The following RELL1 variants were observed in gnomAD, a reference collection of about 807,000 sequenced individuals.
The protein encoded by RELL1 is RELT like 1.
In RELL1, 10 loss-of-function variants were observed where a neutral mutation model predicts 23.0. The observed-to-expected ratio is 0.43, with a 90% CI of 0.27 to 0.74. The LOEUF is 0.74. RELL1 is among the 30% of genes least tolerant of loss of function. The pLI, the probability that RELL1 is intolerant of heterozygous loss-of-function variation, is 0.19. For missense variants in RELL1, 315 were observed against 364.4 expected (o/e 0.86, Z 1.10); for synonymous variants, 146 against 146.8 (o/e 0.99, Z 0.04).
At position 37,681,523 on chromosome 4, in the gene RELL1, T is replaced by G. The variant is rs916386584; in HGVS notation, c.88+4677A>C. On this transcript the variant is annotated intron_variant, in intron 1 of 6. Transcript: ENST00000454158. ...AGGCATCAGGGTCTCCTTCTGTTTT[T>G]TTTTTTTTTTTTTTTTTTTTTTTGA... Among the ~76,000 whole-genome samples the G allele has an allele frequency of 0.015, 1,906 of 128,486 alleles. 93 individuals carry two copies. The South Asian group carries it at 0.15, about 10-fold the overall frequency. The allele number at this position is 128,486 out of a possible 152,430, so 84.3% of individuals were successfully genotyped here. A position where few individuals can be genotyped will look rare whatever the true frequency, so the allele number is the denominator to read the frequency against.
intron 1 of RELL1, among the ~76,000 whole-genome samples, chr4:37,669,254 G>A (rs1226625344): frequency 2.9e-5 from 4 of 135,614 alleles, no homozygotes; most frequent in Non-Finnish European, 6.2e-5. Context: ...CCCCCCGCCC[G>A]GCCAGCCGCC....
intron 1 of RELL1, among the ~76,000 whole-genome samples, chr4:37,676,665 G>A (rs1321982126): frequency 6.6e-6 from 1 of 152,078 alleles, no homozygotes; most frequent in Non-Finnish European, 1.5e-5. Flanking sequence ...GGAGCAATTT[G>A]GCCCACAGAG....
chr4:37,602,132 G>T (rs1719031340), intron 6 of RELL1, among the ~76,000 whole-genome samples: 1 of 149,692 alleles, frequency 6.7e-6, no homozygotes, highest in Non-Finnish European at 1.5e-5. Context: ...TGGGAGGATT[G>T]CTTGAGCCTG....
intron 5 of RELL1, among the ~76,000 whole-genome samples, chr4:37,633,033 C>T (rs1720193907): frequency 6.6e-6 from 1 of 152,152 alleles, no homozygotes; most frequent in Admixed American, 6.5e-5. Flanking sequence ...TTAAGTAATA[C>T]ATGCTGAAAA....
chr4:37,620,626 G>A (rs903301823), intron 6 of RELL1, among the ~76,000 whole-genome samples: 6 of 152,274 alleles, frequency 3.9e-5, no homozygotes, highest in Middle Eastern at 3.4e-3. Flanking sequence ...TTCTAATAAG[G>A]AAAATGGAAC....
intron 2 of RELL1, 133 bp downstream of exon 2, chr4:37,649,143 C>A (rs1720804150): frequency 1.3e-6 from 1 of 759,078 alleles, no homozygotes; most frequent in Non-Finnish European, 2.2e-6. Flanking sequence ...GCACAATCTG[C>A]ACTTACACTA....
In RELL1 at chr4:37,612,342, A is replaced by AAAAAAAAAAAAC; in HGVS notation, c.*1003_*1004insGTTTTTTTTTTT. On this transcript the variant is annotated 3_prime_UTR_variant, in exon 7 of 7. Transcript: ENST00000454158. ...AAGGTTAAAAAAAAAAAAAAAACAA[A>AAAAAAAAAAAAC]AAAAAACAAAAAACCGGGTGCAGTG... 7.6e-6 allele frequency among the ~76,000 whole-genome samples: 1 copy of AAAAAAAAAAAAC among 131,860 alleles called. No homozygotes were observed. The highest frequency in any genetic ancestry group is 2.9e-5 in the African/African-American group (1 of 34,768). The allele number at this position is 131,860 out of a possible 152,430, so 86.5% of individuals were successfully genotyped here. A position where few individuals can be genotyped will look rare whatever the true frequency, so the allele number is the denominator to read the frequency against.
chr4:37,670,717 C>T (rs1428087883), intron 1 of RELL1, among the ~76,000 whole-genome samples: 1 of 151,432 alleles, frequency 6.6e-6, no homozygotes, highest in Non-Finnish European at 1.5e-5. Context: ...ACTACAGGCA[C>T]GTGCCACCAT....
intron 6 of RELL1, among the ~76,000 whole-genome samples, chr4:37,621,187 T>C (rs1719748855): frequency 2.6e-5 from 4 of 152,228 alleles, no homozygotes; most frequent in Admixed American, 2.6e-4. Flanking sequence ...CCAGGCGCGG[T>C]GGCTTACGCC....
rs549416692 is a variant in RELL1, at chr4:37,598,787, C to T, written c.*4-7570G>A. Among the ~76,000 whole-genome samples the T allele has an allele frequency of 5.9e-5, 9 of 152,176 alleles. No homozygotes were observed. In the South Asian group the frequency reaches 1.0e-3, roughly 18 times the overall value. ...ATAACCTCTGCCTCCCAGCTTCAAG[C>T]GATTCTCCTGTCTCAGCCTCCCGAG... On this transcript the variant is annotated intron_variant, in intron 6 of 6. Transcript: ENST00000314117.
At chr4:37,590,251 A>T (rs1348238823), downstream of RELL1, 2 of 1,614,198 alleles carry the variant, frequency 1.2e-6, no homozygotes, top group South Asian at 2.2e-5. Flanking sequence ...GAAGACTGAG[A>T]GCAGCAGCAG....
intron 6 of RELL1, among the ~76,000 whole-genome samples, chr4:37,630,515 C>T (rs1577575488): frequency 6.6e-6 from 1 of 151,656 alleles, no homozygotes. Flanking sequence ...CAGGTGCCCA[C>T]CACTACGCCC....
At chr4:37,613,607 G>A (rs1267450440) in intron 6 of RELL1, among the ~76,000 whole-genome samples, 1 of 151,842 alleles carries the variant, frequency 6.6e-6, no homozygotes, top group African/African-American at 2.4e-5. Flanking sequence ...TCTCTCTCTT[G>A]CTCCTGCTTT....
At chr4:37,669,411 G>T (rs1426102390) in intron 1 of RELL1, among the ~76,000 whole-genome samples, 2 of 147,528 alleles carry the variant, frequency 1.4e-5, no homozygotes, top group African/African-American at 5.0e-5. Context: ...AGGGAGGTGG[G>T]GGGGTCAGCC....
Position 37,644,547 on chromosome 4 carries a change from C to T in RELL1, c.385+2821G>A, listed in dbSNP as rs189188651. On this transcript the variant is annotated intron_variant, in intron 3 of 6. Transcript: ENST00000454158. ...CAGTGCAATCTTGGCTCACTGCAGC[C>T]TCTGCCTCCCGGGTTCAAGTGATTC... is the stretch of plus-strand genomic sequence containing the variant. Among the ~76,000 whole-genome samples, 205 of 151,548 alleles carry T rather than the reference C, an allele frequency of 1.4e-3. 1 individual carries two copies. The highest frequency in any genetic ancestry group is 2.1e-3 in the Non-Finnish European group (145 of 67,944).
chr4:37,656,045 A>G (rs1577593867), intron 1 of RELL1, among the ~76,000 whole-genome samples: 1 of 152,334 alleles, frequency 6.6e-6, no homozygotes. Flanking sequence ...TTGAGGAGAT[A>G]CCTGCACTCC....
At chr4:37,587,733 C>T, downstream of RELL1, among the ~76,000 whole-genome samples, 1 of 152,178 alleles carries the variant, frequency 6.6e-6, no homozygotes, top group South Asian at 2.1e-4. Flanking sequence ...CTTTGAGAGG[C>T]CAAGGCAGGC....
Position 37,613,642 on chromosome 4 carries a change from G to A in RELL1, c.*4-300C>T, listed in dbSNP as rs148087913. ...TTCCCATGTGATGTGCCTTCAATAG[G>A]TGTCTTTCTAAAGCCCCACCAAAGC... On this transcript the variant is annotated intron_variant, in intron 6 of 6. Transcript: ENST00000454158. Among the ~76,000 whole-genome samples the A allele has an allele frequency of 7.1e-3, 1,075 of 152,076 alleles. 14 individuals are homozygous for A. The highest frequency in any genetic ancestry group is 0.022 in the South Asian group (108 of 4,810).
chr4:37,593,509 C>T (rs1167849725), intron 6 of RELL1, among the ~76,000 whole-genome samples: 4 of 151,752 alleles, frequency 2.6e-5, no homozygotes, highest in Non-Finnish European at 5.9e-5. Context: ...ATAAAAACCC[C>T]ACTCACTCTC....
Sources: allele counts gnomAD v4.1 joint callset (sites outside exome capture counted in the v4.1 genomes callset), GRCh38; gene constraint gnomAD v4.1.1; transcripts MANE v1.5; gene names NCBI Gene and HGNC (gene_info 2026-07-23, HGNC 2026-07-21).